Variants in RNU4ATAC observed in about 807,000 individuals in gnomAD.
The protein encoded by RNU4ATAC is RNA, U4atac small nuclear (U12-dependent splicing).
At chr2:121,530,914 A>T (rs771577373) in exon 1 of RNU4ATAC, 1 of 699,220 alleles carries the variant, frequency 1.4e-6, no homozygotes, top group African/African-American at 1.7e-5. Context: ...CTACTGTCCA[A>T]TGAGCGCATA....
rs879429057 is a variant in RNU4ATAC at position 121,530,901 on chromosome 2, G to A, written n.21G>A. ...TTATAACCATCCTTTTCTTGGGGTTGCGCTACTGTCCAATGAGCGCATAGT... is the reference window on the plus strand; with the variant it reads ...TTATAACCATCCTTTTCTTGGGGTTACGCTACTGTCCAATGAGCGCATAGT... On this transcript the variant is annotated non_coding_transcript_exon_variant, in exon 1 of 1. Coordinates refer to ENST00000580972, the Ensembl canonical transcript of RNU4ATAC. 23 of 695,712 alleles carry A rather than the reference G, an allele frequency of 3.3e-5. No individual in the cohort carries two copies. The highest frequency in any genetic ancestry group is 5.4e-5 in the East Asian group (2 of 37,134). The allele number at this position is 695,712 out of a possible 1,614,324, so 43.1% of individuals were successfully genotyped here.
rs754148812 is a variant in RNU4ATAC, at chr2:121,530,958, A to G, written n.78A>G. ...AGTACTGCTAACGCCTGAACAACAC[A>G]CCCGCATCAACTAGAGCTTTTGCTT... On this transcript the variant is annotated non_coding_transcript_exon_variant, in exon 1 of 1. Transcript: ENST00000580972. 1.3e-5 allele frequency: 9 copies of G among 700,230 alleles called. No individual in the cohort carries two copies. Among genetic ancestry groups the G allele is most frequent in the Admixed American group, 1.0e-4 (5 of 49,978 alleles). The allele number at this position is 700,230 out of a possible 1,614,324, so 43.4% of individuals were successfully genotyped here. A position where few individuals can be genotyped will look rare whatever the true frequency, so the allele number is the denominator to read the frequency against.
rs536019130 is a variant in RNU4ATAC, at chr2:121,530,960, C to T, written n.80C>T. On this transcript the variant is annotated non_coding_transcript_exon_variant, in exon 1 of 1. Transcript: ENST00000580972. ...TACTGCTAACGCCTGAACAACACAC[C>T]CGCATCAACTAGAGCTTTTGCTTTA... The T allele has an allele frequency of 6.3e-5, 44 of 700,390 alleles. 2 individuals are homozygous for T. Among genetic ancestry groups the T allele is most frequent in the African/African-American group, 4.0e-4 (23 of 57,292 alleles). 43.4% of individuals were successfully genotyped at this position (700,390 alleles called of 1,614,324 possible).
rs771577373 is a variant in RNU4ATAC at position 121,530,914 on chromosome 2, A to G, written n.34A>G. 42 of 699,220 alleles carry G rather than the reference A, an allele frequency of 6.0e-5. No homozygotes were observed. Among genetic ancestry groups the G allele is most frequent in the Admixed American group, 1.6e-4 (8 of 49,978 alleles). 43.3% of individuals were successfully genotyped at this position (699,220 alleles called of 1,614,324 possible). A position where few individuals can be genotyped will look rare whatever the true frequency, so the allele number is the denominator to read the frequency against. On this transcript the variant is annotated non_coding_transcript_exon_variant, in exon 1 of 1. Coordinates refer to ENST00000580972, the Ensembl canonical transcript of RNU4ATAC. ...TTTCTTGGGGTTGCGCTACTGTCCA[A>G]TGAGCGCATAGTGAGGGCAGTACTG...
At position 121,530,909 on chromosome 2, in the gene RNU4ATAC, G is replaced by A. The variant is rs374299350; in HGVS notation, n.29G>A. ...ATCCTTTTCTTGGGGTTGCGCTACT[G>A]TCCAATGAGCGCATAGTGAGGGCAG... On this transcript the variant is annotated non_coding_transcript_exon_variant, in exon 1 of 1. Coordinates refer to ENST00000580972, the Ensembl canonical transcript of RNU4ATAC. 6.0e-5 allele frequency: 42 copies of A among 699,036 alleles called. No homozygotes were observed. The highest frequency in any genetic ancestry group is 3.7e-4 in the Middle Eastern group (1 of 2,734). 43.3% of individuals were successfully genotyped at this position (699,036 alleles called of 1,614,324 possible). A position where few individuals can be genotyped will look rare whatever the true frequency, so the allele number is the denominator to read the frequency against.
In RNU4ATAC at chr2:121,530,952, C is replaced by G. The variant is rs549662600; in HGVS notation, n.72C>G. 98 of 700,418 alleles carry G rather than the reference C, an allele frequency of 1.4e-4. No homozygotes were observed. Among genetic ancestry groups the G allele is most frequent in the South Asian group, 6.1e-4 (41 of 67,506 alleles). 43.4% of individuals were successfully genotyped at this position (700,418 alleles called of 1,614,324 possible). A position where few individuals can be genotyped will look rare whatever the true frequency, so the allele number is the denominator to read the frequency against. On this transcript the variant is annotated non_coding_transcript_exon_variant, in exon 1 of 1. Transcript: ENST00000580972. The stretch of plus-strand genomic sequence containing the variant: ...GAGGGCAGTACTGCTAACGCCTGAA[C>G]AACACACCCGCATCAACTAGAGCTT...
chr2:121,530,937 C>G (rs115435830), exon 1 of RNU4ATAC: 9 of 700,280 alleles, frequency 1.3e-5, no homozygotes, highest in African/African-American at 3.5e-5. Flanking sequence ...GAGGGCAGTA[C>G]TGCTAACGCC....
rs769219094 is a variant in RNU4ATAC, at chr2:121,530,949, G to C, written n.69G>C. On this transcript the variant is annotated non_coding_transcript_exon_variant, in exon 1 of 1. Transcript: ENST00000580972. ...AGTGAGGGCAGTACTGCTAACGCCT[G>C]AACAACACACCCGCATCAACTAGAG... The C allele has an allele frequency of 5.6e-5, 39 of 700,268 alleles. No individual in the cohort carries two copies. The highest frequency in any genetic ancestry group is 4.8e-4 in the East Asian group (18 of 37,304). The allele number at this position is 700,268 out of a possible 1,614,324, so 43.4% of individuals were successfully genotyped here.
At chr2:121,530,960 C>G (rs536019130) in exon 1 of RNU4ATAC, 9 of 700,272 alleles carry the variant, frequency 1.3e-5, no homozygotes, top group Admixed American at 2.0e-5. Flanking sequence ...AACAACACAC[C>G]CGCATCAACT....
In RNU4ATAC at chr2:121,530,918, G is replaced by A. The variant is rs772360964; in HGVS notation, n.38G>A. On this transcript the variant is annotated non_coding_transcript_exon_variant, in exon 1 of 1. Coordinates refer to ENST00000580972, the Ensembl canonical transcript of RNU4ATAC. The stretch of plus-strand genomic sequence containing the variant: ...TTGGGGTTGCGCTACTGTCCAATGA[G>A]CGCATAGTGAGGGCAGTACTGCTAA... 39 of 699,626 alleles carry A rather than the reference G, an allele frequency of 5.6e-5. No homozygotes were observed. The highest frequency in any genetic ancestry group is 2.8e-4 in the African/African-American group (16 of 57,164). 43.3% of individuals were successfully genotyped at this position (699,626 alleles called of 1,614,324 possible). A position where few individuals can be genotyped will look rare whatever the true frequency, so the allele number is the denominator to read the frequency against.
Position 121,530,950 on chromosome 2 carries a change from A to G in RNU4ATAC, n.70A>G, listed in dbSNP as rs183655165. 10 of 700,388 alleles carry G rather than the reference A, an allele frequency of 1.4e-5. No individual in the cohort carries two copies. The highest frequency in any genetic ancestry group is 3.5e-5 in the African/African-American group (2 of 57,290). The allele number at this position is 700,388 out of a possible 1,614,324, so 43.4% of individuals were successfully genotyped here. ...GTGAGGGCAGTACTGCTAACGCCTG[A>G]ACAACACACCCGCATCAACTAGAGC... On this transcript the variant is annotated non_coding_transcript_exon_variant, in exon 1 of 1. Coordinates refer to ENST00000580972, the Ensembl canonical transcript of RNU4ATAC.
chr2:121,530,903 G>A lies in RNU4ATAC; in HGVS notation n.23G>A, dbSNP rs754423211. 106 of 695,272 alleles carry A rather than the reference G, an allele frequency of 1.5e-4. No individual in the cohort carries two copies. The highest frequency in any genetic ancestry group is 1.1e-3 in the Middle Eastern group (3 of 2,740). 43.1% of individuals were successfully genotyped at this position (695,272 alleles called of 1,614,324 possible). On this transcript the variant is annotated non_coding_transcript_exon_variant, in exon 1 of 1. Transcript: ENST00000580972. The stretch of plus-strand genomic sequence containing the variant: ...ATAACCATCCTTTTCTTGGGGTTGC[G>A]CTACTGTCCAATGAGCGCATAGTGA...
Position 121,530,884 on chromosome 2 carries a change from A to G in RNU4ATAC, n.4A>G, listed in dbSNP as rs533487249. The stretch of plus-strand genomic sequence containing the variant: ...AGCCCAGGGACTTTCTATTATAACC[A>G]TCCTTTTCTTGGGGTTGCGCTACTG... On this transcript the variant is annotated non_coding_transcript_exon_variant, in exon 1 of 1. Coordinates refer to ENST00000580972, the Ensembl canonical transcript of RNU4ATAC. 161 of 692,674 alleles carry G rather than the reference A, an allele frequency of 2.3e-4. 1 individual carries two copies. Among genetic ancestry groups the G allele is most frequent in the Middle Eastern group, 1.5e-3 (4 of 2,716 alleles). 42.9% of individuals were successfully genotyped at this position (692,674 alleles called of 1,614,324 possible).
exon 1 of RNU4ATAC, chr2:121,530,998 T>TA (rs1487457167): frequency 4.3e-6 from 3 of 700,244 alleles, no homozygotes; most frequent in Non-Finnish European, 5.2e-6. Context: ...TTGGTGCAAT[T>TA]TTTGGAAAAA....
chr2:121,530,996 A>T (rs558135361), exon 1 of RNU4ATAC: 3 of 700,158 alleles, frequency 4.3e-6, no homozygotes, highest in Non-Finnish European at 5.2e-6. Context: ...TTTTGGTGCA[A>T]TTTTTGGAAA....
exon 1 of RNU4ATAC, chr2:121,530,984 T>A: frequency 1.4e-6 from 1 of 700,432 alleles, no homozygotes; most frequent in Non-Finnish European, 2.6e-6. Flanking sequence ...GCTTTTGCTT[T>A]ATTTTGGTGC....
At chr2:121,530,946 C>G (rs564978047) in exon 1 of RNU4ATAC, 2 of 700,398 alleles carry the variant, frequency 2.9e-6, no homozygotes, top group South Asian at 1.5e-5. Flanking sequence ...ACTGCTAACG[C>G]CTGAACAACA....
chr2:121,530,917 A>G (rs567684220), exon 1 of RNU4ATAC: 7 of 699,502 alleles, frequency 1.0e-5, no homozygotes, highest in African/African-American at 7.0e-5. Context: ...CTGTCCAATG[A>G]GCGCATAGTG....
rs139495292 is a variant in RNU4ATAC, at chr2:121,530,919, C to T, written n.39C>T. The T allele has an allele frequency of 9.9e-5, 69 of 699,610 alleles. No homozygotes were observed. The highest frequency in any genetic ancestry group is 1.4e-4 in the Non-Finnish European group (53 of 384,256). 43.3% of individuals were successfully genotyped at this position (699,610 alleles called of 1,614,324 possible). ...TGGGGTTGCGCTACTGTCCAATGAGCGCATAGTGAGGGCAGTACTGCTAAC... is the reference window on the plus strand; with the variant it reads ...TGGGGTTGCGCTACTGTCCAATGAGTGCATAGTGAGGGCAGTACTGCTAAC... On this transcript the variant is annotated non_coding_transcript_exon_variant, in exon 1 of 1. Transcript: ENST00000580972.
Sources: gnomAD v4.1 joint callset for allele counts on GRCh38, gnomAD v4.1.1 for gene constraint, MANE v1.5 for transcripts, NCBI Gene and HGNC (gene_info 2026-07-23, HGNC 2026-07-21) for gene names.